The following ITPR2 variants were observed in gnomAD, a reference collection of about 807,000 sequenced individuals.
ITPR2 encodes inositol 1,4,5-trisphosphate receptor type 2.
ITPR2 carries 207 observed loss-of-function variants against 317.1 expected under a neutral mutation model. The observed-to-expected ratio is 0.65, with a 90% CI of 0.58 to 0.73. ITPR2 has a LOEUF of 0.73. ITPR2 is among the 30% of genes least tolerant of loss of function. The pLI, the probability that ITPR2 is intolerant of heterozygous loss-of-function variation, is 0.00. For synonymous variants in ITPR2, 1,156 were observed against 1,149.1 expected (o/e 1.01, Z -0.12); for missense variants, 2,613 against 3,284.0 (o/e 0.80, Z 4.99).
chr12:26,401,218 G>C (rs142197491), intron 52 of ITPR2, among the ~76,000 whole-genome samples: 1 of 151,386 alleles, frequency 6.6e-6, no homozygotes, highest in African/African-American at 2.4e-5. Context: ...AACAGAGCAA[G>C]ACTCTGTCTT....
chr12:26,626,876 G>A (rs375513915), intron 23 of ITPR2, among the ~76,000 whole-genome samples: 62 of 151,994 alleles, frequency 4.1e-4, no homozygotes, highest in African/African-American at 1.4e-3. Context: ...CTATTCTCAC[G>A]AAAAGAATTC....
At chr12:26,518,991 AAG>A (rs1361773555) in intron 37 of ITPR2, among the ~76,000 whole-genome samples, 1 of 152,164 alleles carries the variant, frequency 6.6e-6, no homozygotes, top group African/African-American at 2.4e-5. Flanking sequence ...TTGAACCCAA[AAG>A]AGACAGAAAA....
chr12:26,554,464 A>G (rs1944611534), intron 36 of ITPR2, among the ~76,000 whole-genome samples: 1 of 152,242 alleles, frequency 6.6e-6, no homozygotes, highest in Non-Finnish European at 1.5e-5. Flanking sequence ...TGTGGGGTAC[A>G]CAGTCTCTGT....
intron 1 of ITPR2, among the ~76,000 whole-genome samples, chr12:26,826,865 G>A (rs1260075631): frequency 2.0e-5 from 3 of 152,146 alleles, no homozygotes; most frequent in African/African-American, 7.2e-5. Flanking sequence ...ACTATCCCAA[G>A]AATTCTGCTA....
intron 39 of ITPR2, among the ~76,000 whole-genome samples, chr12:26,488,299 T>C (rs1362712015): frequency 6.6e-6 from 1 of 151,908 alleles, no homozygotes; most frequent in East Asian, 1.9e-4. Flanking sequence ...AAAAAATAAT[T>C]TCCAGATCAA....
At chr12:26,739,042 A>C (rs1949182768) in intron 2 of ITPR2, among the ~76,000 whole-genome samples, 2 of 152,268 alleles carry the variant, frequency 1.3e-5, no homozygotes, top group African/African-American at 4.8e-5. Flanking sequence ...GAAGGCTAAC[A>C]AGTACATAAA....
At chr12:26,528,698 T>C (rs1943871148) in intron 37 of ITPR2, among the ~76,000 whole-genome samples, 3 of 152,224 alleles carry the variant, frequency 2.0e-5, no homozygotes, top group African/African-American at 7.2e-5. Context: ...AAGGGGGACA[T>C]GTTTCTCCAC....
intron 45 of ITPR2, among the ~76,000 whole-genome samples, chr12:26,459,308 T>G (rs1941959918): frequency 2.6e-5 from 4 of 152,200 alleles, no homozygotes; most frequent in Admixed American, 6.5e-5. Context: ...GTTTTAGAAC[T>G]GATATTTTGC....
At chr12:26,684,693 T>C (rs927978678) in intron 11 of ITPR2, among the ~76,000 whole-genome samples, 8 of 152,226 alleles carry the variant, frequency 5.3e-5, no homozygotes, top group Middle Eastern at 3.2e-3. Context: ...AATTATTCTA[T>C]ATAAAGTGAG....
chr12:26,378,859 T>C (rs957894429), intron 55 of ITPR2, among the ~76,000 whole-genome samples: 1 of 152,222 alleles, frequency 6.6e-6, no homozygotes, highest in African/African-American at 2.4e-5. Flanking sequence ...GTTCTCTTTT[T>C]TTCCTATTTG....
intron 42 of ITPR2, 103 bp from the exon 43 acceptor site, chr12:26,481,344 A>G: frequency 1.5e-6 from 1 of 650,004 alleles, no homozygotes; most frequent in Non-Finnish European, 2.6e-6. Flanking sequence ...TTTGACCTTT[A>G]AAAAATAGGT....
chr12:26,378,914 T>G (rs1565495553), intron 55 of ITPR2, among the ~76,000 whole-genome samples: 1 of 152,206 alleles, frequency 6.6e-6, no homozygotes, highest in Non-Finnish European at 1.5e-5. Context: ...GTCATCTGAC[T>G]TCCTGTCTCC....
Position 26,561,903 on chromosome 12 carries a change from A to G in ITPR2, c.4680T>C (p.Asn1560=), listed in dbSNP as rs1172126423. ...TTGAATGGCTCTTCATGAAAAGAGTATTAACTTGGCTGTCCAAATCCACTG... is the reference window on the plus strand; with the variant it reads ...TTGAATGGCTCTTCATGAAAAGAGTGTTAACTTGGCTGTCCAAATCCACTG... The part of the protein sequence containing the change: ...AIPVDLDSQV[N]TLFMKSHSNM... The change falls in exon 35 of 57, where the codon AAT becomes AAC. Residue 1560 remains asparagine, a synonymous_variant. Coordinates refer to ENST00000381340, the MANE Select transcript of ITPR2 (RefSeq NM_002223.4). 4 of 1,567,084 alleles carry G rather than the reference A, an allele frequency of 2.6e-6. No individual in the cohort carries two copies. The highest frequency in any genetic ancestry group is 2.6e-6 in the Non-Finnish European group (3 of 1,165,550).
Position 26,590,851 on chromosome 12 carries a change from G to A in ITPR2, c.4380+4614C>T, listed in dbSNP as rs1945681366. ...TCTTAGCACTTTGTGAGGCTGAGGT[G>A]GGCAGATCACTTGAGGTCAGGAGTT... is the stretch of plus-strand genomic sequence containing the variant. On this transcript the variant is annotated intron_variant, in intron 32 of 56. Coordinates refer to ENST00000381340, the MANE Select transcript of ITPR2 (RefSeq NM_002223.4). Among the ~76,000 whole-genome samples the A allele has an allele frequency of 2.0e-5, 3 of 152,114 alleles. No individual in the cohort carries two copies. The South Asian group carries it at 6.2e-4, about 32-fold the overall frequency.
At chr12:26,832,059 A>G (rs1951120125) in intron 1 of ITPR2, among the ~76,000 whole-genome samples, 1 of 152,076 alleles carries the variant, frequency 6.6e-6, no homozygotes, top group Non-Finnish European at 1.5e-5. Context: ...GAACCCAGGA[A>G]GCCCTCAGAG....
chr12:26,394,379 C>T (rs1242570164), intron 54 of ITPR2, among the ~76,000 whole-genome samples: 4 of 152,078 alleles, frequency 2.6e-5, no homozygotes, highest in Non-Finnish European at 5.9e-5. Context: ...ATTTAGGGTC[C>T]GATGTGTGAG....
Position 26,495,148 on chromosome 12 carries a change from T to A in ITPR2, c.5182+4A>T. On this transcript the variant is annotated splice_donor_region_variant and intron_variant, in intron 38 of 56. Coordinates refer to ENST00000381340, the MANE Select transcript of ITPR2 (RefSeq NM_002223.4). ...AAAATGAGAAAACAAATGACAGGAC[T>A]TACCTCCCACCTGTGCAGTTTTGGA... is the stretch of plus-strand genomic sequence containing the variant. The A allele has an allele frequency of 6.9e-7, 1 of 1,459,714 alleles. No homozygotes were observed. The highest frequency in any genetic ancestry group is 9.6e-7 in the Non-Finnish European group (1 of 1,037,870). 90.4% of individuals were successfully genotyped at this position (1,459,714 alleles called of 1,614,324 possible). A position where few individuals can be genotyped will look rare whatever the true frequency, so the allele number is the denominator to read the frequency against.
intron 55 of ITPR2, among the ~76,000 whole-genome samples, chr12:26,371,556 G>A (rs1463423079): frequency 6.6e-6 from 1 of 152,216 alleles, no homozygotes; most frequent in African/African-American, 2.4e-5. Flanking sequence ...AGGGCCTGAG[G>A]TCTTTAGGTG....
chr12:26,377,812 G>A (rs1939389403), intron 55 of ITPR2, among the ~76,000 whole-genome samples: 2 of 152,170 alleles, frequency 1.3e-5, no homozygotes, highest in African/African-American at 4.8e-5. Context: ...ACGCAAAGTT[G>A]CTAACACATA....
Sources: allele counts gnomAD v4.1 joint callset (sites outside exome capture counted in the v4.1 genomes callset), GRCh38; gene constraint gnomAD v4.1.1; transcripts MANE v1.5; gene names NCBI Gene and HGNC (gene_info 2026-07-23, HGNC 2026-07-21).